Variants in PTPRT observed in about 807,000 individuals in gnomAD.
PTPRT encodes receptor-type tyrosine-protein phosphatase T.
A neutral mutation model predicts 176.8 loss-of-function variants in PTPRT; 56 were observed. That is an observed-to-expected ratio of 0.32 (90% CI 0.26 to 0.40). PTPRT has a LOEUF of 0.40. Among genes scored for constraint, PTPRT ranks in the 10% least tolerant of loss-of-function variants. The pLI is 1.00. For missense variants in PTPRT, 1,540 were observed against 1,908.2 expected (o/e 0.81, Z 3.60); for synonymous variants, 783 against 739.0 (o/e 1.06, Z -0.96).
At chr20:42,275,792 A>G (rs2057018898) in intron 13 of PTPRT, among the ~76,000 whole-genome samples, 1 of 152,210 alleles carries the variant, frequency 6.6e-6, no homozygotes, top group Non-Finnish European at 1.5e-5. Context: ...TTTAGGACCT[A>G]GAAGACAGTC....
rs1182913866 is a variant in PTPRT, at chr20:42,737,100, CT to C, written c.859+19361del. ...ATGTTCAACACCTAGCCCCTGGTAC[CT>C]GAGAATGTGGCCTTATTTGGAAATA... is the stretch of plus-strand genomic sequence containing the variant. On this transcript the variant is annotated intron_variant, in intron 6 of 30. Coordinates refer to ENST00000373187, the MANE Select transcript of PTPRT (RefSeq NM_007050.6). Among the ~76,000 whole-genome samples, 4 of 152,300 alleles carry C rather than the reference CT, an allele frequency of 2.6e-5. No individual in the cohort carries two copies. In the East Asian group the frequency reaches 7.7e-4, roughly 29 times the overall value.
At chr20:42,592,813 G>T in intron 7 of PTPRT, among the ~76,000 whole-genome samples, 1 of 152,108 alleles carries the variant, frequency 6.6e-6, no homozygotes, top group Non-Finnish European at 1.5e-5. Context: ...TCCAGTCCCT[G>T]CCACTTTAAA....
chr20:42,689,562 T>G (rs1306108575), intron 6 of PTPRT, among the ~76,000 whole-genome samples: 1 of 152,182 alleles, frequency 6.6e-6, no homozygotes, highest in Non-Finnish European at 1.5e-5. Context: ...ATCTCTCATT[T>G]CAGTATCATA....
At chr20:43,039,356 T>TAA (rs534437792) in intron 1 of PTPRT, among the ~76,000 whole-genome samples, 1 of 124,036 alleles carries the variant, frequency 8.1e-6, no homozygotes. Flanking sequence ...AATAAAATGA[T>TAA]AAAAAAAAAA....
intron 1 of PTPRT, among the ~76,000 whole-genome samples, chr20:43,009,947 C>T (rs1985036719): frequency 1.3e-5 from 2 of 152,118 alleles, no homozygotes; most frequent in Non-Finnish European, 2.9e-5. Context: ...CTCCCAGAGC[C>T]AGTGTGAACT....
chr20:42,724,961 G>A (rs924388661), intron 6 of PTPRT, among the ~76,000 whole-genome samples: 3 of 151,966 alleles, frequency 2.0e-5, no homozygotes, highest in Admixed American at 6.6e-5. Flanking sequence ...CTTCTGCTAT[G>A]TGAGAGAATA....
intron 1 of PTPRT, among the ~76,000 whole-genome samples, chr20:43,050,094 A>G (rs1986986423): frequency 6.6e-6 from 1 of 152,236 alleles, no homozygotes; most frequent in Admixed American, 6.5e-5. Flanking sequence ...AAGCATCCTC[A>G]ACATGGTCTC....
chr20:42,566,099 TTAAAG>T (rs1324055291), intron 7 of PTPRT, among the ~76,000 whole-genome samples: 1 of 144,830 alleles, frequency 6.9e-6, no homozygotes, highest in Non-Finnish European at 1.5e-5. Flanking sequence ...ACCCTAAAAC[TTAAAG>T]TATAATTAAA....
intron 1 of PTPRT, among the ~76,000 whole-genome samples, chr20:42,967,873 G>A (rs964674623): frequency 1.3e-5 from 2 of 152,032 alleles, no homozygotes; most frequent in African/African-American, 2.4e-5. Context: ...AGGCTGATAC[G>A]TTCTTGCCCT....
chr20:42,066,450 G>GT, the PTPRT span, among the ~76,000 whole-genome samples: 112,764 of 151,902 alleles, frequency 0.74, 42,184 homozygotes, highest in South Asian at 0.83. Context: ...GGTTGTAGGG[G>GT]TTTTTTTGGT....
intron 7 of PTPRT, among the ~76,000 whole-genome samples, chr20:42,655,905 C>A (rs2075116974): frequency 6.6e-6 from 1 of 152,100 alleles, no homozygotes; most frequent in Middle Eastern, 3.2e-3. Context: ...ATATTCATGT[C>A]TTGTTGAAGT....
intron 7 of PTPRT, among the ~76,000 whole-genome samples, chr20:42,605,106 G>T (rs2073852038): frequency 6.6e-6 from 1 of 152,170 alleles, no homozygotes; most frequent in Non-Finnish European, 1.5e-5. Flanking sequence ...AAGCACTACA[G>T]GGAGAGGCAC....
At chr20:43,012,387 G>C (rs1985173678) in intron 1 of PTPRT, among the ~76,000 whole-genome samples, 2 of 152,110 alleles carry the variant, frequency 1.3e-5, no homozygotes, top group Non-Finnish European at 2.9e-5. Flanking sequence ...CAAATTTACA[G>C]AGACATAAAG....
intron 9 of PTPRT, among the ~76,000 whole-genome samples, chr20:42,366,282 G>T (rs1440579865): frequency 6.6e-6 from 1 of 152,206 alleles, no homozygotes; most frequent in Non-Finnish European, 1.5e-5. Context: ...GATGGGTGGT[G>T]CCCAGGCTTG....
chr20:42,098,310 A>G (rs8114610), intron 27 of PTPRT, 111 bp downstream of exon 27: 9 of 1,458,348 alleles, frequency 6.2e-6, no homozygotes, highest in African/African-American at 1.4e-5. Flanking sequence ...GCTTATTACA[A>G]GACAGCTGGC....
chr20:42,777,653 C>G (rs2077156998), intron 4 of PTPRT, among the ~76,000 whole-genome samples: 2 of 152,142 alleles, frequency 1.3e-5, no homozygotes, highest in Admixed American at 1.3e-4. Context: ...ACTTAAGTAT[C>G]ACTGTGCCTA....
intron 17 of PTPRT, among the ~76,000 whole-genome samples, chr20:42,145,604 C>T (rs1266981185): frequency 6.6e-6 from 1 of 152,128 alleles, no homozygotes. Context: ...ATTCTAGAAG[C>T]ATGACTATGA....
intron 1 of PTPRT, among the ~76,000 whole-genome samples, chr20:43,141,180 T>C (rs1203520350): frequency 1.3e-5 from 2 of 152,368 alleles, no homozygotes; most frequent in Admixed American, 1.3e-4. Context: ...AATTCAACCA[T>C]GTCAGTTAGC....
At chr20:42,802,865 A>C (rs775779079) in intron 2 of PTPRT, among the ~76,000 whole-genome samples, 9 of 152,204 alleles carry the variant, frequency 5.9e-5, no homozygotes, top group Non-Finnish European at 1.0e-4. Flanking sequence ...TAACATCTAT[A>C]AGCCTCAGTT....
Sources: allele counts gnomAD v4.1 joint callset (sites outside exome capture counted in the v4.1 genomes callset), GRCh38; gene constraint gnomAD v4.1.1; transcripts MANE v1.5; gene names NCBI Gene and HGNC (gene_info 2026-07-23, HGNC 2026-07-21).